RSRC1: variants seen among roughly 807,000 people sequenced by gnomAD.
The protein encoded by RSRC1 is arginine and serine rich coiled-coil 1.
Under a neutral mutation model 49.1 loss-of-function variants are expected in RSRC1, and 39 were observed. The ratio of observed to expected loss-of-function variants is 0.79; its 90% CI spans 0.61 to 1.04. The LOEUF (loss-of-function observed/expected upper bound fraction) is 1.04, where lower values mean the gene tolerates loss of function less well. RSRC1 is among the 50% of genes least tolerant of loss of function. The pLI, the probability that RSRC1 is intolerant of heterozygous loss-of-function variation, is 0.00. For missense variants in RSRC1, 388 were observed against 402.4 expected (o/e 0.96, Z 0.31); for synonymous variants, 143 against 130.8 (o/e 1.09, Z -0.63).
rs1725382954 is a variant in RSRC1, at chr3:158,269,454, T to G, written c.495-28585T>G. On this transcript the variant is annotated intron_variant, in intron 4 of 9. Transcript: ENST00000611884. The stretch of plus-strand genomic sequence containing the variant: ...TAATTAAGTTTATCTCCCTTCTACC[T>G]TACTCATTTGACGATGAAGTTTATT... 2.6e-5 allele frequency among the ~76,000 whole-genome samples: 4 copies of G among 152,220 alleles called. No individual in the cohort carries two copies. In the South Asian group the frequency reaches 6.2e-4, roughly 24 times the overall value.
chr3:158,328,531 T>G (rs1729325071), intron 5 of RSRC1, among the ~76,000 whole-genome samples: 1 of 152,194 alleles, frequency 6.6e-6, no homozygotes, highest in African/African-American at 2.4e-5. Flanking sequence ...GGGTTGAAAA[T>G]TCTTTTCTTA....
intron 6 of RSRC1, among the ~76,000 whole-genome samples, chr3:158,444,338 C>G (rs907805405): frequency 6.6e-6 from 1 of 152,090 alleles, no homozygotes; most frequent in Non-Finnish European, 1.5e-5. Context: ...GAACAGAACC[C>G]TCAGAAATAA....
At chr3:158,344,851 G>A (rs1730454153) in intron 5 of RSRC1, among the ~76,000 whole-genome samples, 1 of 152,116 alleles carries the variant, frequency 6.6e-6, no homozygotes, top group South Asian at 2.1e-4. Flanking sequence ...TAAGTTTTTG[G>A]TAGTATAGAA....
chr3:158,387,645 A>G (rs543545231), intron 6 of RSRC1, among the ~76,000 whole-genome samples: 12 of 152,276 alleles, frequency 7.9e-5, no homozygotes, highest in Non-Finnish European at 1.5e-4. Context: ...AAAGGGGAAA[A>G]ACTGTAAATC....
chr3:158,384,028 T>C (rs1732842487), intron 6 of RSRC1, among the ~76,000 whole-genome samples: 1 of 152,072 alleles, frequency 6.6e-6, no homozygotes, highest in Admixed American at 6.6e-5. Context: ...TAGAAAAGAT[T>C]TATGACTAGT....
At chr3:158,280,451 G>T (rs544522755) in intron 4 of RSRC1, among the ~76,000 whole-genome samples, 2 of 152,058 alleles carry the variant, frequency 1.3e-5, no homozygotes, top group South Asian at 4.2e-4. Context: ...AGCTCCACAT[G>T]ACCTGGTATA....
intron 4 of RSRC1, among the ~76,000 whole-genome samples, chr3:158,255,577 G>T (rs931358180): frequency 6.6e-6 from 1 of 152,124 alleles, no homozygotes; most frequent in African/African-American, 2.4e-5. Context: ...TGGACTTAAA[G>T]GTAGTTTTTT....
intron 6 of RSRC1, among the ~76,000 whole-genome samples, chr3:158,364,360 C>T (rs553812731): frequency 4.5e-4 from 68 of 152,098 alleles, no homozygotes; most frequent in Non-Finnish European, 1.6e-4. Flanking sequence ...GGGCAAACCC[C>T]CCAAAAAGAG....
chr3:158,305,460 G>A (rs913569047), intron 5 of RSRC1, among the ~76,000 whole-genome samples: 5 of 152,000 alleles, frequency 3.3e-5, no homozygotes, highest in Non-Finnish European at 5.9e-5. Flanking sequence ...TGAAACTACT[G>A]CAATAACTGA....
chr3:158,285,463 G>A (rs567252298), intron 4 of RSRC1, among the ~76,000 whole-genome samples: 40 of 152,300 alleles, frequency 2.6e-4, no homozygotes, highest in African/African-American at 9.6e-4. Flanking sequence ...GGATGGCATT[G>A]AATCTATAAA....
chr3:158,351,285 G>C lies in RSRC1; in HGVS notation c.532-3572G>C, dbSNP rs573710242. Among the ~76,000 whole-genome samples the C allele has an allele frequency of 3.0e-4, 46 of 152,302 alleles. No individual in the cohort carries two copies. In the South Asian group the frequency reaches 4.3e-3, roughly 14 times the overall value. On this transcript the variant is annotated intron_variant, in intron 5 of 9. Coordinates refer to ENST00000611884, the MANE Select transcript of RSRC1 (RefSeq NM_001271838.2). ...GGTCACTGAGAGGAAAAAGACGACA[G>C]CCCAAGAATCCTATATTCATTCAAC...
chr3:158,414,846 T>C (rs994665038), intron 6 of RSRC1, among the ~76,000 whole-genome samples: 3 of 152,180 alleles, frequency 2.0e-5, no homozygotes, highest in African/African-American at 7.2e-5. Context: ...AAAATCTTTT[T>C]AATTTAGGCT....
At chr3:158,405,880 T>G (rs143423779) in intron 6 of RSRC1, among the ~76,000 whole-genome samples, 116 of 152,278 alleles carry the variant, frequency 7.6e-4, no homozygotes, top group African/African-American at 2.5e-3. Flanking sequence ...CCTTGTACAC[T>G]CTTAAATTTA....
At chr3:158,258,820 G>A (rs1034214374) in intron 4 of RSRC1, among the ~76,000 whole-genome samples, 7 of 151,632 alleles carry the variant, frequency 4.6e-5, no homozygotes, top group Non-Finnish European at 4.4e-5. Context: ...CTGCTTGATC[G>A]GTTCTGCTAA....
At chr3:158,205,228 G>A (rs946403571) in intron 4 of RSRC1, among the ~76,000 whole-genome samples, 3 of 152,168 alleles carry the variant, frequency 2.0e-5, no homozygotes, top group Admixed American at 1.3e-4. Flanking sequence ...GTAGAGGATA[G>A]TGTTGTGTTA....
chr3:158,239,721 T>TAA (rs548958560), intron 4 of RSRC1, among the ~76,000 whole-genome samples: 1 of 151,036 alleles, frequency 6.6e-6, no homozygotes, highest in Non-Finnish European at 1.5e-5. Context: ...CTTAAAGTAT[T>TAA]AAAAAAAAAT....
At chr3:158,160,408 T>A (rs922591359) in intron 3 of RSRC1, among the ~76,000 whole-genome samples, 2 of 152,318 alleles carry the variant, frequency 1.3e-5, no homozygotes, top group East Asian at 3.9e-4. Context: ...TATTGATGTC[T>A]TAGCTATTTG....
intron 5 of RSRC1, among the ~76,000 whole-genome samples, chr3:158,306,475 G>A (rs1405432737): frequency 6.6e-6 from 1 of 151,816 alleles, no homozygotes; most frequent in African/African-American, 2.4e-5. Context: ...TGAGGAGCAC[G>A]TAATTTGTCT....
At chr3:158,206,774 C>T (rs1003809675) in intron 4 of RSRC1, among the ~76,000 whole-genome samples, 4 of 151,910 alleles carry the variant, frequency 2.6e-5, no homozygotes, top group Non-Finnish European at 2.9e-5. Context: ...ATTAGCTGGG[C>T]ATAGTGGTGC....
Sources: gnomAD v4.1 joint callset for allele counts (sites outside exome capture counted in the v4.1 genomes callset) on GRCh38, gnomAD v4.1.1 for gene constraint, MANE v1.5 for transcripts, NCBI Gene and HGNC (gene_info 2026-07-23, HGNC 2026-07-21) for gene names.